The following FANCB variants were observed in gnomAD, a reference collection of about 807,000 sequenced individuals.
The protein encoded by FANCB is FA complementation group B, also known as Fanconi anemia group B protein.
Under a neutral mutation model 38.9 loss-of-function variants are expected in FANCB, and 5 were observed. The observed-to-expected ratio is 0.13, with a 90% CI of 0.07 to 0.27. FANCB has a LOEUF of 0.27. Ranked by LOEUF, FANCB falls within the 10% of genes least tolerant of loss-of-function variation. The pLI, the probability that FANCB is intolerant of heterozygous loss-of-function variation, is 1.00. For missense variants in FANCB, 573 were observed against 602.7 expected (o/e 0.95, Z 0.52); for synonymous variants, 236 against 215.4 (o/e 1.10, Z -0.84).
chrX:14,775,160 G>GTTTT, the FANCB span, among the ~76,000 whole-genome samples: 3,890 of 34,646 alleles, frequency 0.11, 721 homozygotes, highest in Non-Finnish European at 0.16. Context: ...TTTCTCTAAT[G>GTTTT]TTTTTTTTTT....
intron 10 of FANCB, among the ~76,000 whole-genome samples, chrX:14,837,346 G>A (rs989338454): frequency 8.9e-6 from 1 of 112,312 alleles, no homozygotes. Flanking sequence ...GTTTCAAAGA[G>A]AAACTACATA....
chrX:14,810,754 C>T, the FANCB span, among the ~76,000 whole-genome samples: 7 of 111,841 alleles, frequency 6.3e-5, no homozygotes, highest in Admixed American at 9.5e-5. Context: ...AGGATATTAT[C>T]CAGGAGAACT....
At chrX:14,769,344 G>A in the FANCB span, among the ~76,000 whole-genome samples, 2 of 111,379 alleles carry the variant, frequency 1.8e-5, no homozygotes, top group African/African-American at 6.5e-5. Context: ...TTCAGAACTC[G>A]TTATTGGTCT....
chrX:14,819,109 G>A, the FANCB span, among the ~76,000 whole-genome samples: 1 of 112,114 alleles, frequency 8.9e-6, no homozygotes, highest in South Asian at 3.6e-4. Context: ...CAGCCCCCCT[G>A]GACAAATTTC....
intron 3 of FANCB, among the ~76,000 whole-genome samples, chrX:14,861,838 G>GT (rs1317439593): frequency 9.1e-6 from 1 of 109,770 alleles, no homozygotes; most frequent in Non-Finnish European, 1.9e-5. Context: ...TCTTATTTCT[G>GT]TTTTTTTAAA....
chrX:14,693,664 C>T, the FANCB span, among the ~76,000 whole-genome samples: 1 of 112,022 alleles, frequency 8.9e-6, no homozygotes, highest in African/African-American at 3.2e-5. Context: ...TCAGAAGAAA[C>T]ATTTTGGTAT....
the FANCB span, among the ~76,000 whole-genome samples, chrX:14,700,244 A>G: frequency 9.0e-6 from 1 of 111,145 alleles, no homozygotes; most frequent in Non-Finnish European, 1.9e-5. Flanking sequence ...ATGGAAGTGG[A>G]TAAGATTACC....
At chrX:14,694,797 G>C in the FANCB span, among the ~76,000 whole-genome samples, 20 of 112,420 alleles carry the variant, frequency 1.8e-4, no homozygotes, top group Non-Finnish European at 3.6e-4. Context: ...CATTCTAGTG[G>C]TTATGCTTTG....
the FANCB span, among the ~76,000 whole-genome samples, chrX:14,700,255 CA>C: frequency 1.8e-5 from 2 of 110,688 alleles, no homozygotes; most frequent in Non-Finnish European, 3.8e-5. Flanking sequence ...TAAGATTACC[CA>C]GCAGGAGTGT....
the FANCB span, among the ~76,000 whole-genome samples, chrX:14,801,341 A>G: frequency 9.0e-6 from 1 of 111,723 alleles, no homozygotes; most frequent in African/African-American, 3.3e-5. Flanking sequence ...ACCATTAATC[A>G]CTTCCTCCCA....
chrX:14,801,657 G>A, the FANCB span, among the ~76,000 whole-genome samples: 1 of 111,059 alleles, frequency 9.0e-6, no homozygotes, highest in Non-Finnish European at 1.9e-5. Flanking sequence ...TGTGTACTGG[G>A]TCATGACAAA....
the FANCB span, among the ~76,000 whole-genome samples, chrX:14,805,219 G>A: frequency 9.0e-6 from 1 of 111,371 alleles, no homozygotes; most frequent in Non-Finnish European, 1.9e-5. Context: ...AGTCTCACTC[G>A]CAGGCTACAT....
chrX:14,734,386 C>T, the FANCB span, among the ~76,000 whole-genome samples: 1 of 112,167 alleles, frequency 8.9e-6, no homozygotes, highest in South Asian at 3.7e-4. Flanking sequence ...CTATTTAGTG[C>T]TTCCTTCAGG....
the FANCB span, among the ~76,000 whole-genome samples, chrX:14,815,180 G>A: frequency 5.1e-4 from 56 of 110,560 alleles, no homozygotes; most frequent in Non-Finnish European, 9.5e-4. Context: ...TGGGGTGGGG[G>A]GCAGGGGGAG....
the FANCB span, among the ~76,000 whole-genome samples, chrX:14,783,392 A>G: frequency 7.2e-5 from 8 of 111,842 alleles, no homozygotes; most frequent in Non-Finnish European, 1.1e-4. Context: ...CAACCTCCCA[A>G]TGAAGCACTT....
the FANCB span, among the ~76,000 whole-genome samples, chrX:14,717,741 A>T: frequency 3.3e-5 from 2 of 59,860 alleles, no homozygotes; most frequent in Non-Finnish European, 7.4e-5. Context: ...TCTGTAAAGT[A>T]AAAAAAAAAA....
intron 7 of FANCB, among the ~76,000 whole-genome samples, chrX:14,846,830 G>GA (rs764339798): frequency 0.079 from 7,485 of 95,147 alleles, 665 homozygotes; most frequent in African/African-American, 0.24. Flanking sequence ...TACTTTGCAT[G>GA]AAAAAAAAAA....
the FANCB span, chrX:14,730,387 A>G: frequency 5.5e-4 from 659 of 1,204,063 alleles, no homozygotes; most frequent in Non-Finnish European, 6.4e-4. Context: ...GATTGACACG[A>G]TATCTCGAGC....
intron 3 of FANCB, chrX:14,862,148 C>G (rs768961077): frequency 9.5e-6 from 1 of 105,330 alleles, no homozygotes; most frequent in African/African-American, 3.5e-5. Context: ...TAATATTTCC[C>G]TTTTTTTTTT....
Sources: gnomAD v4.1 joint callset for allele counts (sites outside exome capture counted in the v4.1 genomes callset) on GRCh38, gnomAD v4.1.1 for gene constraint, MANE v1.5 for transcripts, NCBI Gene and HGNC (gene_info 2026-07-23, HGNC 2026-07-21) for gene names.